Variants in CACNA1H observed in about 807,000 individuals in gnomAD.
CACNA1H encodes voltage-dependent T-type calcium channel subunit alpha-1H.
Under a neutral mutation model 192.5 loss-of-function variants are expected in CACNA1H, and 149 were observed. The observed-to-expected ratio is 0.77, with a 90% CI of 0.68 to 0.89. The LOEUF is 0.89. Ranked by LOEUF, CACNA1H falls within the 40% of genes least tolerant of loss-of-function variation. CACNA1H has a pLI of 0.00. For missense variants in CACNA1H, 4,257 were observed against 3,423.5 expected, an observed-to-expected ratio of 1.24 and a Z score of -6.08; for synonymous variants, 2,202 against 1,475.2, an observed-to-expected ratio of 1.49 and a Z score of -11.29.
chr16:1,155,049 G>T (rs543531098), intron 2 of CACNA1H, among the ~76,000 whole-genome samples: 153 of 152,358 alleles, frequency 1.0e-3, no homozygotes, highest in African/African-American at 3.4e-3. Flanking sequence ...AGACAGGCTG[G>T]CAGCAGGAGC....
At chr16:1,196,064 T>C (rs777756653) in intron 5 of CACNA1H, 41 bp downstream of exon 5, 7 of 1,492,986 alleles carry the variant, frequency 4.7e-6, no homozygotes, top group South Asian at 4.5e-5. Context: ...TCAACAGGCT[T>C]GCGTGTCCGC....
rs533023495 is a variant in CACNA1H at position 1,194,961 on chromosome 16, C to T, written c.300-11C>T. ...GGCCGCGCCGGTGTGCTCCTTAACC[C>T]GCGGCGACACATGGTTCGAGCACGT... On this transcript the variant is annotated splice_polypyrimidine_tract_variant and intron_variant, in intron 2 of 34. Transcript: ENST00000348261. 6.3e-6 allele frequency: 10 copies of T among 1,599,518 alleles called. No individual in the cohort carries two copies. Among genetic ancestry groups the T allele is most frequent in the Admixed American group, 1.7e-5 (1 of 59,972 alleles).
At chr16:1,204,760 C>T (rs963463343) in intron 10 of CACNA1H, among the ~76,000 whole-genome samples, 7 of 108,996 alleles carry the variant, frequency 6.4e-5, no homozygotes, top group Admixed American at 3.1e-4. Flanking sequence ...AGATCAGTGC[C>T]GGGGAGGGGT....
chr16:1,204,128 G>A lies in CACNA1H; in HGVS notation c.2121G>A (p.Leu707=), dbSNP rs1371017423. ...GCTGCCCGTACTGCACCCGTGCCCT[G>A]GAGGACCCGGAGGGTGAGCTCAGCG... The part of the protein sequence containing the change: ...LKSCPYCTRA[L]EDPEGELSGS... Residue 707 remains leucine (L), a synonymous_variant, in exon 10 of 35, where the codon CTG becomes CTA. Coordinates refer to ENST00000348261, the MANE Select transcript of CACNA1H (RefSeq NM_021098.3). The A allele has an allele frequency of 6.2e-7, 1 of 1,612,318 alleles. No homozygotes were observed. The highest frequency in any genetic ancestry group is 1.3e-5 in the African/African-American group (1 of 75,044).
chr16:1,188,448 CCT>C (rs58655728), intron 2 of CACNA1H, among the ~76,000 whole-genome samples: 5,867 of 152,204 alleles, frequency 0.039, 424 homozygotes, highest in African/African-American at 0.13. Context: ...GCTGAGCCGC[CCT>C]GAGACTGGCT....
At chr16:1,199,057 G>T (rs1465660152) in intron 6 of CACNA1H, 1 of 285,872 alleles carries the variant, frequency 3.5e-6, no homozygotes, top group East Asian at 6.2e-5. Flanking sequence ...CCACCGCGCA[G>T]TCGCTGCACA....
chr16:1,215,091 G>A lies in CACNA1H; in HGVS notation c.5039+10G>A, dbSNP rs757534257. 6.2e-7 allele frequency: 1 copy of A among 1,607,722 alleles called. No individual in the cohort carries two copies. The highest frequency in any genetic ancestry group is 1.3e-5 in the African/African-American group (1 of 74,930). ...GGTTCTTCAAGGACAGGTGTGTGTG[G>A]TGGGGCCGTCTTGGGTTCTGGGGGC... On this transcript the variant is annotated intron_variant, in intron 28 of 34. Transcript: ENST00000348261.
chr16:1,209,831 G>A (rs1316196858), intron 17 of CACNA1H, among the ~76,000 whole-genome samples: 2 of 152,202 alleles, frequency 1.3e-5, no homozygotes, highest in East Asian at 1.9e-4. Context: ...TCACTCTGCC[G>A]TCACCAGCGT....
At position 1,209,636 on chromosome 16, in the gene CACNA1H, G is replaced by A. The variant is rs146728168; in HGVS notation, c.3744+224G>A. 2.4e-3 allele frequency among the ~76,000 whole-genome samples: 363 copies of A among 152,320 alleles called. 2 individuals carry two copies. The highest frequency in any genetic ancestry group is 8.2e-3 in the African/African-American group (342 of 41,572). ...GCCGTCTAGGGGCTGTGAGCTAAAC[G>A]CTCCACGCACGGCCTGCATACGGGG... On this transcript the variant is annotated intron_variant, in intron 17 of 34. Transcript: ENST00000348261.
At position 1,153,722 on chromosome 16, in the gene CACNA1H, G is replaced by A. The variant is rs1284857555; in HGVS notation, c.-16G>A. 3 of 1,202,860 alleles carry A rather than the reference G, an allele frequency of 2.5e-6. No individual in the cohort carries two copies. Among genetic ancestry groups the A allele is most frequent in the Non-Finnish European group, 3.1e-6 (3 of 969,722 alleles). 74.5% of individuals were successfully genotyped at this position (1,202,860 alleles called of 1,614,324 possible). A position where few individuals can be genotyped will look rare whatever the true frequency, so the allele number is the denominator to read the frequency against. On this transcript the variant is annotated splice_region_variant and 5_prime_UTR_variant, in exon 2 of 35. Transcript: ENST00000348261. Reference sequence around the variant, plus strand: ...GGGTCACCCCCTGTCCTCTGCAGGTGCTGCCGGCCGCCACCATGACCGAGG... The same window carrying A: ...GGGTCACCCCCTGTCCTCTGCAGGTACTGCCGGCCGCCACCATGACCGAGG...
In CACNA1H at chr16:1,215,308, G is replaced by A. The variant is rs2141376316; in HGVS notation, c.5106G>A (p.Glu1702=). ...TGGGCATCACGCTGGAGGAGATAGA[G>A]ATGAGCGCCGCGCTGCCCATCAACC... ...SLMGITLEEI[E]MSAALPINPT... Residue 1702 remains glutamate, a synonymous_variant, in exon 29 of 35, where the codon GAG becomes GAA. Coordinates refer to ENST00000348261, the MANE Select transcript of CACNA1H (RefSeq NM_021098.3). 1.2e-6 allele frequency: 2 copies of A among 1,610,750 alleles called. No individual in the cohort carries two copies. The highest frequency in any genetic ancestry group is 8.5e-7 in the Non-Finnish European group (1 of 1,178,976).
intron 2 of CACNA1H, among the ~76,000 whole-genome samples, chr16:1,194,730 G>A (rs758396874): frequency 3.3e-5 from 5 of 152,182 alleles, no homozygotes; most frequent in Non-Finnish European, 5.9e-5. Flanking sequence ...CAACGCCGAG[G>A]GCCAGGGGGC....
At chr16:1,198,308 C>G (rs1483062838) in intron 5 of CACNA1H, among the ~76,000 whole-genome samples, 1 of 152,174 alleles carries the variant, frequency 6.6e-6, no homozygotes, top group Non-Finnish European at 1.5e-5. Flanking sequence ...CCCCTCCACA[C>G]CCCAGCCCTC....
intron 5 of CACNA1H, among the ~76,000 whole-genome samples, chr16:1,197,178 C>G (rs1245194859): frequency 6.6e-6 from 1 of 152,240 alleles, no homozygotes; most frequent in East Asian, 1.9e-4. Flanking sequence ...TCAGATAGGG[C>G]TTGAATACTG....
At position 1,167,314 on chromosome 16, in the gene CACNA1H, C is replaced by G. The variant is rs982732102; in HGVS notation, c.299+13278C>G. On this transcript the variant is annotated intron_variant, in intron 2 of 34. Coordinates refer to ENST00000348261, the MANE Select transcript of CACNA1H (RefSeq NM_021098.3). The surrounding 1 kb of genome is among the most constrained non-coding windows in gnomAD (Gnocchi z 4.2). ...CCGCGAATGTCAGGAACCTTGGATTCCTGACACACGGGTGCGGGGGCGATA... is the reference window on the plus strand; with the variant it reads ...CCGCGAATGTCAGGAACCTTGGATTGCTGACACACGGGTGCGGGGGCGATA... Among the ~76,000 whole-genome samples, 34 of 145,228 alleles carry G rather than the reference C, an allele frequency of 2.3e-4. No individual in the cohort carries two copies. The highest frequency in any genetic ancestry group is 9.5e-4 in the African/African-American group (33 of 34,748).
chr16:1,158,101 G>T (rs192975519), intron 2 of CACNA1H: 5 of 152,442 alleles, frequency 3.3e-5, no homozygotes, highest in Admixed American at 3.3e-4. Flanking sequence ...GTGTTCCTGG[G>T]ACAGGTGTGG....
intron 2 of CACNA1H, among the ~76,000 whole-genome samples, chr16:1,184,637 C>T (rs997073048): frequency 1.9e-4 from 29 of 152,242 alleles, no homozygotes; most frequent in Admixed American, 1.2e-3. Flanking sequence ...GGAGTTGTCA[C>T]GTGGCCGGGT....
In CACNA1H at chr16:1,212,675, C is replaced by T. The variant is rs1969599571; in HGVS notation, c.4777+147C>T. On this transcript the variant is annotated intron_variant, in intron 26 of 34. Coordinates refer to ENST00000348261, the MANE Select transcript of CACNA1H (RefSeq NM_021098.3). ...GCGTGTGGCGTGAGGAGGGGCTGCG[C>T]TCGCCCGCCAGTGTCCGGGCTGCTG... 3 of 953,076 alleles carry T rather than the reference C, an allele frequency of 3.1e-6. No individual in the cohort carries two copies. In the African/African-American group the frequency reaches 4.9e-5, roughly 16 times the overall value. 59.0% of individuals were successfully genotyped at this position (953,076 alleles called of 1,614,324 possible). A position where few individuals can be genotyped will look rare whatever the true frequency, so the allele number is the denominator to read the frequency against.
At chr16:1,211,691 C>T (rs752874319) in intron 23 of CACNA1H, 25 bp from the exon 24 acceptor site, 150 of 1,612,090 alleles carry the variant, frequency 9.3e-5, no homozygotes, top group Admixed American at 2.0e-4. Context: ...TAACCCTCGC[C>T]AGTGACCCTG....
Sources: allele counts gnomAD v4.1 joint callset (sites outside exome capture counted in the v4.1 genomes callset), GRCh38; gene constraint gnomAD v4.1.1; non-coding constraint Gnocchi (gnomAD v3.1); transcripts MANE v1.5; gene names NCBI Gene and HGNC (gene_info 2026-07-23, HGNC 2026-07-21).